The following HYCC1 variants were observed in gnomAD, a reference collection of about 807,000 sequenced individuals.
HYCC1 encodes the protein hyccin PI4KA lipid kinase complex subunit 1, also known as hyccin.
the HYCC1 span, among the ~76,000 whole-genome samples, chr7:22,917,863 A>G: frequency 2.0e-5 from 3 of 152,162 alleles, no homozygotes; most frequent in Non-Finnish European, 2.9e-5. Flanking sequence ...CTTTACTTTC[A>G]TAGTCACTCT....
the HYCC1 span, among the ~76,000 whole-genome samples, chr7:22,924,177 C>CAAAA: frequency 4.7e-4 from 45 of 95,386 alleles, 1 homozygote; most frequent in East Asian, 2.8e-3. Flanking sequence ...GACTCTGTAT[C>CAAAA]AAAAAAAAAA....
chr7:22,932,339 A>T, the HYCC1 span, among the ~76,000 whole-genome samples: 1 of 152,186 alleles, frequency 6.6e-6, no homozygotes, highest in Non-Finnish European at 1.5e-5. Flanking sequence ...TGGATGCAGT[A>T]GATGGGGTCA....
chr7:22,922,564 A>T, the HYCC1 span, among the ~76,000 whole-genome samples: 1 of 152,248 alleles, frequency 6.6e-6, no homozygotes, highest in African/African-American at 2.4e-5. Flanking sequence ...AGTTCAAAGT[A>T]TGATTTCTAC....
At chr7:22,931,494 A>G in the HYCC1 span, among the ~76,000 whole-genome samples, 201 of 152,288 alleles carry the variant, frequency 1.3e-3, no homozygotes, top group Non-Finnish European at 2.4e-3. Flanking sequence ...AAATTGTGGA[A>G]GGGACTTTGG....
At chr7:22,907,000 G>A in the HYCC1 span, among the ~76,000 whole-genome samples, 2 of 150,646 alleles carry the variant, frequency 1.3e-5, no homozygotes, top group South Asian at 4.2e-4. Context: ...AGCTACTCGG[G>A]AGGCTGAGGA....
chr7:22,972,889 G>T, the HYCC1 span, among the ~76,000 whole-genome samples: 1 of 152,124 alleles, frequency 6.6e-6, no homozygotes, highest in Non-Finnish European at 1.5e-5. Context: ...GGTGGAGGGT[G>T]GGAAGTGTTC....
the HYCC1 span, among the ~76,000 whole-genome samples, chr7:22,980,959 T>A: frequency 1.3e-5 from 2 of 152,162 alleles, no homozygotes; most frequent in African/African-American, 2.4e-5. Flanking sequence ...ACATCACATA[T>A]CGCAGGGCCT....
chr7:22,963,848 A>T, the HYCC1 span, among the ~76,000 whole-genome samples: 1 of 152,224 alleles, frequency 6.6e-6, no homozygotes, highest in African/African-American at 2.4e-5. Context: ...AGAGAAAATT[A>T]AAAGTATCAA....
At chr7:22,925,939 C>T in the HYCC1 span, among the ~76,000 whole-genome samples, 4 of 152,106 alleles carry the variant, frequency 2.6e-5, no homozygotes, top group South Asian at 4.1e-4. Flanking sequence ...AGAGAAAGGT[C>T]GGGTTACCCA....
At chr7:22,971,253 CA>C in the HYCC1 span, among the ~76,000 whole-genome samples, 1 of 148,790 alleles carries the variant, frequency 6.7e-6, no homozygotes, top group South Asian at 2.1e-4. Context: ...GGTTAATTAT[CA>C]GATAATATAA....
At chr7:22,962,045 T>C in the HYCC1 span, among the ~76,000 whole-genome samples, 2 of 151,384 alleles carry the variant, frequency 1.3e-5, no homozygotes, top group Non-Finnish European at 2.9e-5. Flanking sequence ...GGCAAGAACA[T>C]TGCTCCCACC....
At chr7:22,903,120 G>T in the HYCC1 span, among the ~76,000 whole-genome samples, 2 of 152,136 alleles carry the variant, frequency 1.3e-5, no homozygotes, top group East Asian at 1.9e-4. Context: ...CTCCTGGAGT[G>T]GGGGAGTATA....
the HYCC1 span, among the ~76,000 whole-genome samples, chr7:23,013,262 C>T: frequency 3.3e-5 from 5 of 152,166 alleles, no homozygotes; most frequent in Non-Finnish European, 7.4e-5. Context: ...AAAGAAGGGG[C>T]AAGGGCTCAA....
chr7:22,995,255 C>T, the HYCC1 span, among the ~76,000 whole-genome samples: 2,565 of 152,186 alleles, frequency 0.017, 80 homozygotes, highest in African/African-American at 0.059. Flanking sequence ...ATCCACCCCA[C>T]GCCCTTGCCC....
At chr7:23,005,904 C>T in the HYCC1 span, among the ~76,000 whole-genome samples, 1 of 152,186 alleles carries the variant, frequency 6.6e-6, no homozygotes, top group African/African-American at 2.4e-5. Flanking sequence ...CCTTCCTCTC[C>T]ATTTCCCTAT....
At chr7:23,013,939 G>A in the HYCC1 span, 1 of 470,164 alleles carries the variant, frequency 2.1e-6, no homozygotes, top group Non-Finnish European at 4.4e-6. Flanking sequence ...GCGGCTGCCG[G>A]AGCTCCACCT....
the HYCC1 span, among the ~76,000 whole-genome samples, chr7:22,987,219 T>C: frequency 4.7e-4 from 72 of 152,308 alleles, no homozygotes; most frequent in African/African-American, 1.4e-3. Flanking sequence ...AATCTTAAAA[T>C]AATGAAGTCC....
the HYCC1 span, chr7:22,941,900 C>A: frequency 6.6e-6 from 1 of 152,116 alleles, no homozygotes; most frequent in East Asian, 1.9e-4. Context: ...TAATTTCTAT[C>A]TACAATGCTT....
chr7:22,939,875 TAC>T, the HYCC1 span: 1 of 152,192 alleles, frequency 6.6e-6, no homozygotes. Context: ...TCATTTTAAT[TAC>T]ACATATTAGC....
Sources: gnomAD v4.1 joint callset for allele counts (sites outside exome capture counted in the v4.1 genomes callset) on GRCh38, gnomAD v4.1.1 for gene constraint, MANE v1.5 for transcripts, NCBI Gene and HGNC (gene_info 2026-07-23, HGNC 2026-07-21) for gene names.